Variants in NEGR1 observed in about 807,000 individuals in gnomAD.
NEGR1 encodes IgLON family member 4.
A neutral mutation model predicts 40.9 loss-of-function variants in NEGR1; 10 were observed. The ratio of observed to expected loss-of-function variants is 0.24; its 90% CI spans 0.15 to 0.42. NEGR1 has a LOEUF of 0.42. NEGR1 is among the 10% of genes least tolerant of loss of function. The pLI is 1.00. For synonymous variants in NEGR1, 185 were observed against 166.8 expected (o/e 1.11, Z -0.84); for missense variants, 352 against 438.9 (o/e 0.80, Z 1.77).
intron 1 of NEGR1, among the ~76,000 whole-genome samples, chr1:72,086,351 T>C (rs1019948068): frequency 5.3e-5 from 8 of 152,208 alleles, no homozygotes; most frequent in Non-Finnish European, 7.3e-5. Flanking sequence ...GCTCTGATTT[T>C]TTACACTATC....
At chr1:71,805,204 C>T (rs773697414) in intron 2 of NEGR1, among the ~76,000 whole-genome samples, 3 of 152,178 alleles carry the variant, frequency 2.0e-5, no homozygotes, top group Non-Finnish European at 2.9e-5. Flanking sequence ...CCCAAAACTT[C>T]ATTAGCAATT....
chr1:72,187,526 A>G (rs911032475), intron 1 of NEGR1, among the ~76,000 whole-genome samples: 6 of 151,508 alleles, frequency 4.0e-5, no homozygotes, highest in Admixed American at 3.3e-4. Flanking sequence ...TCCTGGGCTC[A>G]GCCTATAAGA....
At chr1:71,485,961 G>C (rs1289611111) in intron 6 of NEGR1, among the ~76,000 whole-genome samples, 1 of 151,630 alleles carries the variant, frequency 6.6e-6, no homozygotes. Flanking sequence ...ACCAAGGAGT[G>C]CAAATTTCTG....
intron 4 of NEGR1, among the ~76,000 whole-genome samples, chr1:71,613,985 A>G (rs1191499915): frequency 6.6e-6 from 1 of 152,090 alleles, no homozygotes; most frequent in Admixed American, 6.5e-5. Context: ...ACAATGGAAC[A>G]TTGCCTTTCA....
intron 4 of NEGR1, among the ~76,000 whole-genome samples, chr1:71,627,714 C>T (rs1650832930): frequency 1.3e-5 from 2 of 151,990 alleles, no homozygotes; most frequent in South Asian, 4.1e-4. Context: ...AAGGAATTGT[C>T]CAGACTATTA....
intron 4 of NEGR1, among the ~76,000 whole-genome samples, chr1:71,674,938 C>A (rs2101603683): frequency 6.6e-6 from 1 of 151,326 alleles, no homozygotes; most frequent in South Asian, 2.1e-4. Context: ...TTGAAACCTG[C>A]CTGTTTTGTA....
At chr1:71,689,612 T>C (rs1022556414) in intron 4 of NEGR1, among the ~76,000 whole-genome samples, 1 of 152,028 alleles carries the variant, frequency 6.6e-6, no homozygotes, top group African/African-American at 2.4e-5. Context: ...GTATATTTGG[T>C]GAGTGATTAT....
chr1:71,888,743 T>C lies in NEGR1; in HGVS notation c.409+46336A>G, dbSNP rs1394427922. The stretch of plus-strand genomic sequence containing the variant: ...GCTCAAGGAGGCCTGCCTGCCTCTG[T>C]AGGCTCCACCTCTGGGGGCAGGGCA... On this transcript the variant is annotated intron_variant, in intron 2 of 6. Transcript: ENST00000357731. Among the ~76,000 whole-genome samples the C allele has an allele frequency of 1.5e-4, 12 of 79,244 alleles. No homozygotes were observed. In the South Asian group the frequency reaches 3.7e-3, roughly 24 times the overall value. 52.0% of individuals were successfully genotyped at this position (79,244 alleles called of 152,430 possible). A position where few individuals can be genotyped will look rare whatever the true frequency, so the allele number is the denominator to read the frequency against.
At chr1:71,903,813 T>A (rs1227769880) in intron 2 of NEGR1, among the ~76,000 whole-genome samples, 2 of 151,518 alleles carry the variant, frequency 1.3e-5, no homozygotes, top group African/African-American at 4.8e-5. Flanking sequence ...ATCAACCCCA[T>A]TCTCTCTCTA....
At position 72,146,043 on chromosome 1, in the gene NEGR1, G is replaced by A. The variant is rs1267862974; in HGVS notation, c.176+136276C>T. Among the ~76,000 whole-genome samples, 3 of 151,970 alleles carry A rather than the reference G, an allele frequency of 2.0e-5. No homozygotes were observed. In the East Asian group the frequency reaches 5.8e-4, roughly 29 times the overall value. On this transcript the variant is annotated intron_variant, in intron 1 of 6. Coordinates refer to ENST00000357731, the MANE Select transcript of NEGR1 (RefSeq NM_173808.3). ...ATTTCTCTCCTCTTTTCTTTTGGCT[G>A]TTGTGGTGGTGGGGCAGGGGGAGTG... is the stretch of plus-strand genomic sequence containing the variant.
Position 72,179,513 on chromosome 1 carries a change from A to G in NEGR1, c.176+102806T>C, listed in dbSNP as rs1570088161. 3.3e-5 allele frequency among the ~76,000 whole-genome samples: 5 copies of G among 152,212 alleles called. No individual in the cohort carries two copies. The East Asian group carries it at 5.8e-4, about 18-fold the overall frequency. On this transcript the variant is annotated intron_variant, in intron 1 of 6. Coordinates refer to ENST00000357731, the MANE Select transcript of NEGR1 (RefSeq NM_173808.3). ...AGGTGAAATGCTCAGAACAGTGCCT[A>G]GCACACTGTATGTGTCCAGTAAGTA...
At chr1:71,611,235 T>G in intron 4 of NEGR1, 89 bp from the exon 5 acceptor site, 5 of 1,258,394 alleles carry the variant, frequency 4.0e-6, no homozygotes, top group Non-Finnish European at 5.6e-6. Context: ...TTATTCCTTC[T>G]ATATTCAAAG....
chr1:71,438,955 G>A (rs1453657333), intron 6 of NEGR1, among the ~76,000 whole-genome samples: 1 of 152,134 alleles, frequency 6.6e-6, no homozygotes, highest in African/African-American at 2.4e-5. Flanking sequence ...TTACTTAGGT[G>A]TCTGACTGAA....
At chr1:72,050,896 T>A (rs1227782435) in intron 1 of NEGR1, among the ~76,000 whole-genome samples, 1 of 151,444 alleles carries the variant, frequency 6.6e-6, no homozygotes, top group Non-Finnish European at 1.5e-5. Flanking sequence ...AACAGAAGTT[T>A]TCTTAATAGT....
chr1:71,584,983 G>T (rs1456593802), intron 6 of NEGR1, among the ~76,000 whole-genome samples: 2 of 152,104 alleles, frequency 1.3e-5, no homozygotes, highest in African/African-American at 2.4e-5. Context: ...CAAGGTTGTT[G>T]CAACTGTGAA....
intron 6 of NEGR1, among the ~76,000 whole-genome samples, chr1:71,525,155 C>G (rs1162723810): frequency 6.6e-6 from 1 of 151,778 alleles, no homozygotes; most frequent in African/African-American, 2.4e-5. Flanking sequence ...TTTCATTCAA[C>G]AAATCTTATG....
intron 1 of NEGR1, among the ~76,000 whole-genome samples, chr1:72,172,452 G>A (rs1483209142): frequency 6.6e-6 from 1 of 152,034 alleles, no homozygotes; most frequent in African/African-American, 2.4e-5. Context: ...ATGAGGACAT[G>A]ATTGTCTTCT....
chr1:72,225,577 G>T (rs1553151901), intron 1 of NEGR1, among the ~76,000 whole-genome samples: 1 of 151,092 alleles, frequency 6.6e-6, no homozygotes, highest in Non-Finnish European at 1.5e-5. Flanking sequence ...CTAATACTAA[G>T]AAAAATATAT....
chr1:72,221,633 A>G (rs1654013497), intron 1 of NEGR1, among the ~76,000 whole-genome samples: 1 of 152,124 alleles, frequency 6.6e-6, no homozygotes, highest in South Asian at 2.1e-4. Context: ...GGTAAACATG[A>G]CATACAATAC....
Sources: allele counts gnomAD v4.1 joint callset (sites outside exome capture counted in the v4.1 genomes callset), GRCh38; gene constraint gnomAD v4.1.1; transcripts MANE v1.5; gene names NCBI Gene and HGNC (gene_info 2026-07-23, HGNC 2026-07-21).